SNX29: variants seen among roughly 807,000 people sequenced by gnomAD.
SNX29 encodes sorting nexin 29.
A neutral mutation model predicts 102.1 loss-of-function variants in SNX29; 78 were observed. That is an observed-to-expected ratio of 0.76 (90% confidence interval 0.64 to 0.92). The LOEUF (loss-of-function observed/expected upper bound fraction) is 0.92. Ranked by LOEUF, SNX29 falls within the 40% of genes least tolerant of loss-of-function variation. The pLI, the probability that SNX29 is intolerant of heterozygous loss-of-function variation, is 0.00. For missense variants in SNX29, 1,280 were observed against 1,061.7 expected, an observed-to-expected ratio of 1.21 and a Z score of -2.86; for synonymous variants, 580 against 414.5, an observed-to-expected ratio of 1.40 and a Z score of -4.85.
rs561725537 is a variant in SNX29 at position 12,520,076 on chromosome 16, A to C, written c.2179-4626A>C. ...ACAGGCAGGAATATAGCCTTCCATG[A>C]ATTATTCTGGGATCTTCCACACCTC... On this transcript the variant is annotated intron_variant, in intron 19 of 20. Transcript: ENST00000566228. 1.5e-3 allele frequency among the ~76,000 whole-genome samples: 222 copies of C among 152,314 alleles called. 1 individual carries two copies. Among genetic ancestry groups the C allele is most frequent in the African/African-American group, 5.1e-3 (213 of 41,572 alleles).
intron 16 of SNX29, among the ~76,000 whole-genome samples, chr16:12,360,252 G>A (rs1408279622): frequency 6.6e-6 from 1 of 152,192 alleles, no homozygotes; most frequent in East Asian, 1.9e-4. Flanking sequence ...AGTTCATATA[G>A]TGCAGTTGGT....
At chr16:12,043,524 T>A (rs1411588366) in intron 5 of SNX29, among the ~76,000 whole-genome samples, 5 of 152,128 alleles carry the variant, frequency 3.3e-5, no homozygotes, top group South Asian at 2.1e-4. Flanking sequence ...CTGGCTAATT[T>A]AAAAAATTTT....
intron 14 of SNX29, among the ~76,000 whole-genome samples, chr16:12,244,072 G>A (rs2078190340): frequency 6.6e-6 from 1 of 152,136 alleles, no homozygotes; most frequent in Non-Finnish European, 1.5e-5. Flanking sequence ...TCCCATGGGT[G>A]CGCAGCTCAC....
intron 4 of SNX29, among the ~76,000 whole-genome samples, chr16:12,028,892 G>A (rs898713805): frequency 1.3e-5 from 2 of 151,932 alleles, no homozygotes; most frequent in South Asian, 4.2e-4. Flanking sequence ...GGGATTACAG[G>A]TGCCCACCAC....
At chr16:12,061,758 G>A in intron 9 of SNX29, 112 bp downstream of exon 9, 1 of 900,770 alleles carries the variant, frequency 1.1e-6, no homozygotes, top group Non-Finnish European at 1.7e-6. Context: ...AGGCACGGGA[G>A]TCGGGGTGTG....
At chr16:12,481,399 C>T (rs900062187) in intron 19 of SNX29, among the ~76,000 whole-genome samples, 47 of 126,616 alleles carry the variant, frequency 3.7e-4, no homozygotes, top group African/African-American at 1.5e-3. Flanking sequence ...TATATATACA[C>T]ACACACACAC....
intron 14 of SNX29, among the ~76,000 whole-genome samples, chr16:12,253,719 C>T (rs1029177277): frequency 2.6e-5 from 4 of 151,994 alleles, no homozygotes; most frequent in Non-Finnish European, 5.9e-5. Flanking sequence ...GGTTGGTAGG[C>T]AGGGAGGCTG....
At chr16:12,033,633 A>G (rs1305726486) in intron 4 of SNX29, among the ~76,000 whole-genome samples, 20 of 134,336 alleles carry the variant, frequency 1.5e-4, no homozygotes, top group Non-Finnish European at 2.8e-4. Flanking sequence ...TTTGAGATGG[A>G]GTCTGATCTG....
intron 20 of SNX29, among the ~76,000 whole-genome samples, chr16:12,545,821 C>G (rs113729604): frequency 6.6e-6 from 1 of 152,080 alleles, no homozygotes; most frequent in African/African-American, 2.4e-5. Flanking sequence ...ACTGACTCTC[C>G]AGACCTGTGG....
chr16:12,572,197 T>TA lies in SNX29; in HGVS notation c.*3569dup, dbSNP rs2079202144. 4 of 958,374 alleles carry TA rather than the reference T, an allele frequency of 4.2e-6. No homozygotes were observed. Among genetic ancestry groups the TA allele is most frequent in the Middle Eastern group, 4.6e-4 (1 of 2,190 alleles). 59.4% of individuals were successfully genotyped at this position (958,374 alleles called of 1,614,324 possible). A position where few individuals can be genotyped will look rare whatever the true frequency, so the allele number is the denominator to read the frequency against. On this transcript the variant is annotated 3_prime_UTR_variant, in exon 21 of 21. Transcript: ENST00000566228. ...AATTTCTTAGAACCATGGCAGGTAG[T>TA]ATTGTGCTTTAAAAACCAGAGGCTC...
intron 3 of SNX29, among the ~76,000 whole-genome samples, chr16:12,025,194 T>C (rs2151109227): frequency 6.8e-6 from 1 of 147,198 alleles, no homozygotes; most frequent in South Asian, 2.1e-4. Context: ...CCCAGCTACA[T>C]GGGAGGCTGA....
At chr16:12,089,256 A>G (rs1306911318) in intron 11 of SNX29, among the ~76,000 whole-genome samples, 1 of 152,012 alleles carries the variant, frequency 6.6e-6, no homozygotes, top group East Asian at 1.9e-4. Context: ...GTTCGAGCCT[A>G]GGAGGTCGAG....
intron 18 of SNX29, among the ~76,000 whole-genome samples, chr16:12,457,627 C>T (rs549750664): frequency 6.6e-6 from 1 of 152,228 alleles, no homozygotes; most frequent in Non-Finnish European, 1.5e-5. Context: ...GGGCAAGGCC[C>T]TGTTCACACC....
intron 20 of SNX29, among the ~76,000 whole-genome samples, chr16:12,542,093 T>TC (rs1463772424): frequency 6.6e-6 from 1 of 152,090 alleles, no homozygotes; most frequent in African/African-American, 2.4e-5. Context: ...TGCAATATTG[T>TC]CTCTTCCCAA....
chr16:12,010,219 G>T (rs1410585195), intron 3 of SNX29, among the ~76,000 whole-genome samples: 2 of 152,190 alleles, frequency 1.3e-5, no homozygotes, highest in Non-Finnish European at 2.9e-5. Flanking sequence ...ATAAGGATAT[G>T]TAAGGTGTTT....
At chr16:12,184,847 T>C (rs540907503) in intron 13 of SNX29, among the ~76,000 whole-genome samples, 2 of 152,332 alleles carry the variant, frequency 1.3e-5, no homozygotes, top group East Asian at 3.9e-4. Context: ...GGGAGTCTTG[T>C]TTTCCTTTTG....
intron 15 of SNX29, 21 bp from the exon 16 acceptor site, chr16:12,356,142 C>T: frequency 6.2e-7 from 1 of 1,605,224 alleles, no homozygotes; most frequent in Non-Finnish European, 8.5e-7. Flanking sequence ...TAAGCCTCAC[C>T]TTTCCGTGCT....
chr16:12,529,031 G>A (rs146975043), intron 20 of SNX29, among the ~76,000 whole-genome samples: 7 of 152,296 alleles, frequency 4.6e-5, no homozygotes, highest in African/African-American at 1.7e-4. Context: ...ACTGTGTTCT[G>A]TAAGAGGCAT....
At chr16:12,318,679 G>T (rs1413300670) in intron 15 of SNX29, among the ~76,000 whole-genome samples, 2 of 151,748 alleles carry the variant, frequency 1.3e-5, no homozygotes, top group African/African-American at 4.8e-5. Flanking sequence ...ATAACAAGAT[G>T]CAGATGAACT....
Sources: gnomAD v4.1 joint callset for allele counts (sites outside exome capture counted in the v4.1 genomes callset) on GRCh38, gnomAD v4.1.1 for gene constraint, MANE v1.5 for transcripts, NCBI Gene and HGNC (gene_info 2026-07-23, HGNC 2026-07-21) for gene names.